Variants in H4C15 observed in about 807,000 individuals in gnomAD.
H4C15 encodes the protein histone H4.
At chr1:149,849,741 G>A (rs958448855), downstream of H4C15, among the ~76,000 whole-genome samples, 9 of 152,286 alleles carry the variant, frequency 5.9e-5, no homozygotes, top group Non-Finnish European at 8.8e-5. Context: ...GAAGGTTATC[G>A]GTGTTAACTC....
chr1:149,850,502 G>GTGA (rs1553757670), downstream of H4C15: 1 of 829,786 alleles, frequency 1.2e-6, no homozygotes, highest in Non-Finnish European at 1.9e-6. Context: ...TCTCCGGGAC[G>GTGA]TGATGGTGGA....
downstream of H4C15, chr1:149,850,339 G>C (rs2092170746): frequency 9.9e-7 from 1 of 1,013,078 alleles, no homozygotes; most frequent in African/African-American, 1.6e-5. Context: ...AGCAGCCGGC[G>C]ACCCGCGGAG....
downstream of H4C15, chr1:149,850,453 C>G: frequency 8.9e-7 from 1 of 1,121,718 alleles, no homozygotes. Flanking sequence ...GCGTGCTTGG[C>G]CAGCTCGCCG....
downstream of H4C15, among the ~76,000 whole-genome samples, chr1:149,849,502 G>C (rs587671328): frequency 2.4e-4 from 36 of 152,296 alleles, no homozygotes; most frequent in African/African-American, 8.7e-4. Context: ...GTGATTCCAA[G>C]TCCAGTGTTC....
the H4C15 span, chr1:149,847,908 T>C: frequency 1.3e-5 from 2 of 152,226 alleles, no homozygotes; most frequent in Non-Finnish European, 2.9e-5. Flanking sequence ...TACCAGACAC[T>C]GAAAGACAGG....
chr1:149,845,566 G>A, the H4C15 span: 1 of 152,254 alleles, frequency 6.6e-6, no homozygotes, highest in South Asian at 2.1e-4. Flanking sequence ...AACAAGCTTG[G>A]TGAATGTGAG....
At chr1:149,846,639 TA>T in the H4C15 span, 3 of 152,212 alleles carry the variant, frequency 2.0e-5, no homozygotes, top group African/African-American at 7.2e-5. Context: ...GCATTTGCCT[TA>T]TCTTTGTCTT....
downstream of H4C15, among the ~76,000 whole-genome samples, chr1:149,855,424 T>TG (rs1247381452): frequency 3.9e-3 from 557 of 141,166 alleles, 3 homozygotes; most frequent in Non-Finnish European, 7.1e-3. Context: ...TGTGTGTGTG[T>TG]TTAGAGGGAA....
chr1:149,846,725 T>C, the H4C15 span: 4 of 152,224 alleles, frequency 2.6e-5, no homozygotes, highest in African/African-American at 9.6e-5. Flanking sequence ...CTAAATATGG[T>C]GGCATGTCTC....
At chr1:149,850,330 G>A (rs1553757610), downstream of H4C15, 4 of 1,176,810 alleles carry the variant, frequency 3.4e-6, no homozygotes, top group East Asian at 5.0e-5. Flanking sequence ...TGGAGACAAA[G>A]CAGCCGGCGA....
chr1:149,847,212 T>C, the H4C15 span: 1 of 152,234 alleles, frequency 6.6e-6, no homozygotes. Context: ...CCTACCTGGA[T>C]AATCTGGCAT....
chr1:149,848,375 G>A, the H4C15 span: 1 of 152,152 alleles, frequency 6.6e-6, no homozygotes, highest in Admixed American at 6.5e-5. Flanking sequence ...AAGTCCAAAG[G>A]TGCAGCAGGG....
downstream of H4C15, chr1:149,850,925 C>A: frequency 3.2e-5 from 2 of 62,524 alleles, no homozygotes; most frequent in South Asian, 1.9e-4. Flanking sequence ...GCGAGGGAGA[C>A]GAGATTATGT....
the H4C15 span, chr1:149,848,703 G>A: frequency 6.6e-6 from 1 of 152,092 alleles, no homozygotes; most frequent in African/African-American, 2.4e-5. Flanking sequence ...AAGAACTGTG[G>A]GTAAAATGCG....
chr1:149,846,612 A>G, the H4C15 span: 51 of 151,594 alleles, frequency 3.4e-4, no homozygotes, highest in African/African-American at 1.1e-3. Flanking sequence ...GGATTCACCA[A>G]TTATTACAAT....
chr1:149,850,623 G>A (rs1553757691), downstream of H4C15: 1 of 518,960 alleles, frequency 1.9e-6, no homozygotes, highest in Non-Finnish European at 3.3e-6. Context: ...CCGGTGTCGG[G>A]GTGGACCCGC....
chr1:149,855,612 ATCT>A (rs1424463006), downstream of H4C15, among the ~76,000 whole-genome samples: 4 of 93,190 alleles, frequency 4.3e-5, no homozygotes, highest in Admixed American at 2.1e-4. Context: ...GGCCTTGGCC[ATCT>A]TCTTTTCTCC....
the H4C15 span, chr1:149,848,581 T>TA: frequency 6.6e-6 from 1 of 152,254 alleles, no homozygotes; most frequent in African/African-American, 2.4e-5. Context: ...AGTTAGTTGT[T>TA]ACTCAGTTCA....
At chr1:149,850,321 G>C (rs1280427148), downstream of H4C15, 1 of 1,269,144 alleles carries the variant, frequency 7.9e-7, no homozygotes, top group East Asian at 2.5e-5. Flanking sequence ...AAGAGCCTTT[G>C]GAGACAAAGC....
Sources: allele counts gnomAD v4.1 joint callset (sites outside exome capture counted in the v4.1 genomes callset), GRCh38; gene constraint gnomAD v4.1.1; transcripts MANE v1.5; gene names NCBI Gene and HGNC (gene_info 2026-07-23, HGNC 2026-07-21).